Variants in DLG2 observed in about 807,000 individuals in gnomAD.
DLG2 encodes discs large MAGUK scaffold protein 2.
In DLG2, 45 loss-of-function variants were observed where a neutral mutation model predicts 132.5. The observed-to-expected ratio is 0.34, with a 90% CI of 0.27 to 0.44. The LOEUF is 0.44. Ranked by LOEUF, DLG2 falls within the 20% of genes least tolerant of loss-of-function variation. The pLI, the probability that DLG2 is intolerant of heterozygous loss-of-function variation, is 1.00. For missense variants in DLG2, 1,045 were observed against 1,196.9 expected, an observed-to-expected ratio of 0.87 and a Z score of 1.87; for synonymous variants, 424 against 419.6, an observed-to-expected ratio of 1.01 and a Z score of -0.13.
intron 7 of DLG2, among the ~76,000 whole-genome samples, chr11:84,517,019 AAAAAT>A (rs1371134831): frequency 2.0e-5 from 1 of 49,772 alleles, no homozygotes; most frequent in Non-Finnish European, 4.2e-5. Context: ...TAAAAAAATA[AAAAAT>A]AAATAAATAA....
At chr11:84,469,802 G>C (rs2099104063) in intron 7 of DLG2, among the ~76,000 whole-genome samples, 1 of 151,558 alleles carries the variant, frequency 6.6e-6, no homozygotes, top group Admixed American at 6.6e-5. Context: ...AGGAAATACA[G>C]CCTCATAAAA....
chr11:83,503,111 G>A (rs571641057), intron 21 of DLG2, among the ~76,000 whole-genome samples: 177 of 151,810 alleles, frequency 1.2e-3, no homozygotes, highest in African/African-American at 3.9e-3. Flanking sequence ...GACAGTGCAC[G>A]CAAAGTACTC....
intron 6 of DLG2, among the ~76,000 whole-genome samples, chr11:84,631,017 C>CTCTCTT (rs71036433): frequency 8.5e-6 from 1 of 117,876 alleles, no homozygotes; most frequent in Non-Finnish European, 1.7e-5. Flanking sequence ...CTCTCTCTCT[C>CTCTCTT]TCACACACAC....
intron 8 of DLG2, among the ~76,000 whole-genome samples, chr11:84,177,300 T>C (rs952427016): frequency 1.2e-4 from 19 of 152,168 alleles, no homozygotes; most frequent in African/African-American, 4.6e-4. Flanking sequence ...CCTGCCTTTC[T>C]TTCTCTAGCC....
At chr11:84,074,621 CG>C in intron 10 of DLG2, among the ~76,000 whole-genome samples, 1 of 151,682 alleles carries the variant, frequency 6.6e-6, no homozygotes, top group Non-Finnish European at 1.5e-5. Flanking sequence ...CTCCGCCTCC[CG>C]GGTTCACGCC....
intron 8 of DLG2, among the ~76,000 whole-genome samples, chr11:84,240,749 A>C (rs185939093): frequency 6.6e-6 from 1 of 152,340 alleles, no homozygotes; most frequent in East Asian, 1.9e-4. Context: ...AGCTTGTGTC[A>C]GTTGTTCTTA....
At chr11:85,596,834 A>C (rs1274147019) in intron 3 of DLG2, among the ~76,000 whole-genome samples, 1 of 152,240 alleles carries the variant, frequency 6.6e-6, no homozygotes, top group Admixed American at 6.5e-5. Context: ...AGACCGCCCA[A>C]ACATTCAATA....
At chr11:85,147,070 T>C (rs2076913687) in intron 5 of DLG2, among the ~76,000 whole-genome samples, 1 of 152,230 alleles carries the variant, frequency 6.6e-6, no homozygotes, top group African/African-American at 2.4e-5. Flanking sequence ...ACAGATTTTC[T>C]GAATACATGC....
intron 6 of DLG2, among the ~76,000 whole-genome samples, chr11:84,882,519 T>A (rs1032147663): frequency 6.6e-6 from 1 of 151,974 alleles, no homozygotes; most frequent in African/African-American, 2.4e-5. Flanking sequence ...GTAGGAAGAA[T>A]CAGAGGAGAG....
intron 6 of DLG2, among the ~76,000 whole-genome samples, chr11:84,827,801 G>A (rs147127724): frequency 6.1e-5 from 9 of 148,496 alleles, no homozygotes; most frequent in African/African-American, 2.2e-4. Flanking sequence ...CATTTCCAAC[G>A]ACATGGATGA....
chr11:84,772,825 A>G (rs1329486124), intron 6 of DLG2, among the ~76,000 whole-genome samples: 2 of 152,196 alleles, frequency 1.3e-5, no homozygotes, highest in Non-Finnish European at 2.9e-5. Flanking sequence ...ACAGTACTAA[A>G]GTCCTACATC....
At chr11:84,363,188 T>G (rs1258073364) in intron 7 of DLG2, among the ~76,000 whole-genome samples, 6 of 152,162 alleles carry the variant, frequency 3.9e-5, no homozygotes, top group Admixed American at 3.9e-4. Flanking sequence ...CCTGACTTTT[T>G]AATGATCGCC....
intron 3 of DLG2, among the ~76,000 whole-genome samples, chr11:85,572,873 T>C (rs2077925132): frequency 6.6e-6 from 1 of 152,222 alleles, no homozygotes; most frequent in African/African-American, 2.4e-5. Flanking sequence ...TGCCCAAAGC[T>C]CACGTTAAAC....
At chr11:84,395,247 T>C (rs1212451646) in intron 7 of DLG2, among the ~76,000 whole-genome samples, 1 of 152,200 alleles carries the variant, frequency 6.6e-6, no homozygotes, top group Non-Finnish European at 1.5e-5. Flanking sequence ...TTTAATTATT[T>C]TAAACAATAA....
At chr11:84,795,482 A>C (rs946290738) in intron 6 of DLG2, among the ~76,000 whole-genome samples, 1 of 151,980 alleles carries the variant, frequency 6.6e-6, no homozygotes. Context: ...ACCTGCCTGC[A>C]GAGAGGAGCT....
intron 6 of DLG2, among the ~76,000 whole-genome samples, chr11:84,570,479 A>C (rs540290506): frequency 6.6e-6 from 1 of 152,302 alleles, no homozygotes; most frequent in South Asian, 2.1e-4. Context: ...CCTGAAAGAT[A>C]GGATAGTGTG....
chr11:84,935,742 C>A (rs2048666310), intron 6 of DLG2, among the ~76,000 whole-genome samples: 1 of 152,132 alleles, frequency 6.6e-6, no homozygotes, highest in Non-Finnish European at 1.5e-5. Flanking sequence ...AATTATCCAG[C>A]CCAAAACGTC....
At chr11:85,269,081 G>A (rs548453665) in intron 4 of DLG2, among the ~76,000 whole-genome samples, 6 of 152,150 alleles carry the variant, frequency 3.9e-5, no homozygotes, top group Non-Finnish European at 8.8e-5. Context: ...AAATATCCCA[G>A]GAATGTGTGT....
chr11:84,643,465 C>T (rs1171591228), intron 6 of DLG2, among the ~76,000 whole-genome samples: 1 of 152,166 alleles, frequency 6.6e-6, no homozygotes, highest in Non-Finnish European at 1.5e-5. Context: ...ACCTGCAATA[C>T]TAAGGGACCA....
Sources: gnomAD v4.1 joint callset for allele counts (sites outside exome capture counted in the v4.1 genomes callset) on GRCh38, gnomAD v4.1.1 for gene constraint, MANE v1.5 for transcripts, NCBI Gene and HGNC (gene_info 2026-07-23, HGNC 2026-07-21) for gene names.